BAIAP2L1: variants seen among roughly 807,000 people sequenced by gnomAD.
BAIAP2L1 encodes the protein BAR/IMD domain-containing adapter protein 2-like 1.
Under a neutral mutation model 66.3 loss-of-function variants are expected in BAIAP2L1, and 35 were observed. The ratio of observed to expected loss-of-function variants is 0.53; its 90% CI spans 0.40 to 0.70. The LOEUF (loss-of-function observed/expected upper bound fraction) is 0.70, where lower values mean the gene tolerates loss of function less well. Ranked by LOEUF, BAIAP2L1 falls within the 30% of genes least tolerant of loss-of-function variation. BAIAP2L1 has a pLI of 0.00. For synonymous variants in BAIAP2L1, 269 were observed against 248.7 expected (o/e 1.08, Z -0.77); for missense variants, 622 against 656.9 (o/e 0.95, Z 0.58).
chr7:98,386,601 C>T, intron 1 of BAIAP2L1: 2 of 1,590,480 alleles, frequency 1.3e-6, no homozygotes, highest in Non-Finnish European at 1.7e-6. Flanking sequence ...GGTCAGAGAG[C>T]CAAAAGCAGG....
chr7:98,330,206 C>T (rs1562975618), intron 3 of BAIAP2L1, among the ~76,000 whole-genome samples: 1 of 152,110 alleles, frequency 6.6e-6, no homozygotes, highest in Non-Finnish European at 1.5e-5. Flanking sequence ...AATTATCAGA[C>T]AGAGAACTAA....
chr7:98,315,310 TAG>T, intron 7 of BAIAP2L1, 148 bp downstream of exon 7: 1 of 585,272 alleles, frequency 1.7e-6, no homozygotes, highest in Non-Finnish European at 2.5e-6. Flanking sequence ...TTATTTTTTA[TAG>T]AGACAGAGTT....
intron 3 of BAIAP2L1, among the ~76,000 whole-genome samples, chr7:98,334,666 C>T (rs947675699): frequency 1.3e-5 from 2 of 151,826 alleles, no homozygotes; most frequent in African/African-American, 4.8e-5. Flanking sequence ...CTCAGCCTTC[C>T]GAGTAGCTGG....
At chr7:98,307,563 G>C in intron 10 of BAIAP2L1, 126 bp downstream of exon 10, 1 of 1,486,898 alleles carries the variant, frequency 6.7e-7, no homozygotes, top group Non-Finnish European at 8.9e-7. Flanking sequence ...AACTAAACTA[G>C]AACTAAACCA....
intron 11 of BAIAP2L1, among the ~76,000 whole-genome samples, chr7:98,305,154 G>A (rs1195149465): frequency 7.0e-6 from 1 of 142,760 alleles, no homozygotes; most frequent in Non-Finnish European, 1.5e-5. Flanking sequence ...GCCTCCCAAA[G>A]TGCTGGGATT....
At chr7:98,340,959 G>GTTTTTTTTTT (rs72057720) in intron 3 of BAIAP2L1, among the ~76,000 whole-genome samples, 3 of 129,568 alleles carry the variant, frequency 2.3e-5, no homozygotes, top group Non-Finnish European at 3.2e-5. Context: ...CAGCTAATTG[G>GTTTTTTTTTT]TTTTTTTTTT....
At chr7:98,387,722 C>T (rs1802930250) in intron 1 of BAIAP2L1, among the ~76,000 whole-genome samples, 1 of 150,900 alleles carries the variant, frequency 6.6e-6, no homozygotes, top group Non-Finnish European at 1.5e-5. Flanking sequence ...AAAAAATTAG[C>T]TGGGCGTGGT....
chr7:98,307,614 A>G, intron 10 of BAIAP2L1, 75 bp downstream of exon 10: 1 of 1,584,404 alleles, frequency 6.3e-7, no homozygotes. Flanking sequence ...GTCCACGAAG[A>G]CAGTTTGCAG....
chr7:98,396,768 A>C (rs570912824), intron 1 of BAIAP2L1, among the ~76,000 whole-genome samples: 1 of 152,326 alleles, frequency 6.6e-6, no homozygotes, highest in East Asian at 1.9e-4. Context: ...AGCCTGAGCA[A>C]CAAAGCAAGA....
intron 12 of BAIAP2L1, among the ~76,000 whole-genome samples, chr7:98,296,462 C>T (rs534757326): frequency 1.4e-4 from 21 of 152,174 alleles, no homozygotes; most frequent in Non-Finnish European, 2.8e-4. Context: ...CCCGTCTCTA[C>T]TAAAAATACA....
chr7:98,320,031 G>A lies in BAIAP2L1; in HGVS notation c.348+27C>T, dbSNP rs201532427. 4,172 of 1,591,910 alleles carry A rather than the reference G, an allele frequency of 2.6e-3. 11 individuals are homozygous for A. Among genetic ancestry groups the A allele is most frequent in the Non-Finnish European group, 3.3e-3 (3,831 of 1,163,608 alleles). ...CTGGGAGGTCAGGCAGCCCAAGGCT[G>A]GGGCTGGAGGAAAACCATGCACTTA... On this transcript the variant is annotated intron_variant, in intron 5 of 13. Coordinates refer to ENST00000005260, the MANE Select transcript of BAIAP2L1 (RefSeq NM_018842.5).
chr7:98,368,487 T>C (rs1201370455), intron 1 of BAIAP2L1, among the ~76,000 whole-genome samples: 1 of 151,774 alleles, frequency 6.6e-6, no homozygotes, highest in Non-Finnish European at 1.5e-5. Flanking sequence ...GGTCAGAAGA[T>C]CGACACCATT....
chr7:98,363,229 T>C (rs1361604911), intron 1 of BAIAP2L1, among the ~76,000 whole-genome samples: 1 of 151,896 alleles, frequency 6.6e-6, no homozygotes, highest in Non-Finnish European at 1.5e-5. Context: ...GAGGCGGGGT[T>C]TCACCATGTT....
intron 3 of BAIAP2L1, among the ~76,000 whole-genome samples, chr7:98,348,982 T>C (rs1801938169): frequency 6.6e-6 from 1 of 152,242 alleles, no homozygotes; most frequent in South Asian, 2.1e-4. Context: ...TCAAAGGATC[T>C]TTCCCGGACT....
chr7:98,293,470 C>CAGG lies in BAIAP2L1; in HGVS notation c.*50_*51insCCT. ...CACGTGGCAGACAGGATGCGCCCAT[C>CAGG]ATTCCGCAAGGGAGAACCGGAGAGG... On this transcript the variant is annotated 3_prime_UTR_variant, in exon 14 of 14. Coordinates refer to ENST00000005260, the MANE Select transcript of BAIAP2L1 (RefSeq NM_018842.5). The CAGG allele has an allele frequency of 6.5e-7, 1 of 1,546,584 alleles. No individual in the cohort carries two copies.
At chr7:98,343,962 T>A (rs181497308) in intron 3 of BAIAP2L1, among the ~76,000 whole-genome samples, 1 of 152,186 alleles carries the variant, frequency 6.6e-6, no homozygotes, top group East Asian at 1.9e-4. Context: ...GGACGGATCA[T>A]GAGGTCAAGA....
intron 12 of BAIAP2L1, among the ~76,000 whole-genome samples, chr7:98,298,300 A>C (rs566435173): frequency 7.4e-4 from 112 of 151,418 alleles, no homozygotes; most frequent in Admixed American, 5.7e-3. Context: ...ATATAAAACC[A>C]TGTATAAAAA....
Position 98,401,048 on chromosome 7 carries a change from C to A in BAIAP2L1, c.-196G>T, listed in dbSNP as rs1264570192. On this transcript the variant is annotated 5_prime_UTR_variant, in exon 1 of 14. The change creates a new upstream start codon in the 5' untranslated region. Coordinates refer to ENST00000005260, the MANE Select transcript of BAIAP2L1 (RefSeq NM_018842.5). Reference sequence around the variant, plus strand: ...AAACTTGCGGCAGCGCCGCCCTGGCCTTCTTCGAGGAGCAGAGGAGAAGCG... The same window carrying A: ...AAACTTGCGGCAGCGCCGCCCTGGCATTCTTCGAGGAGCAGAGGAGAAGCG... 2 of 427,500 alleles carry A rather than the reference C, an allele frequency of 4.7e-6. No homozygotes were observed. Among genetic ancestry groups the A allele is most frequent in the Non-Finnish European group, 7.9e-6 (2 of 254,596 alleles). The allele number at this position is 427,500 out of a possible 1,614,324, so 26.5% of individuals were successfully genotyped here.
chr7:98,395,134 CAAAG>C (rs1042756765), intron 1 of BAIAP2L1, among the ~76,000 whole-genome samples: 3 of 151,086 alleles, frequency 2.0e-5, no homozygotes, highest in Admixed American at 6.6e-5. Flanking sequence ...AAAACAAAAC[CAAAG>C]AAAGAAAGAA....
Sources: gnomAD v4.1 joint callset for allele counts (sites outside exome capture counted in the v4.1 genomes callset) on GRCh38, gnomAD v4.1.1 for gene constraint, MANE v1.5 for transcripts, NCBI Gene and HGNC (gene_info 2026-07-23, HGNC 2026-07-21) for gene names.